TTC3: variants seen among roughly 807,000 people sequenced by gnomAD.
TTC3 encodes the protein E3 ubiquitin-protein ligase TTC3.
Under a neutral mutation model 249.6 loss-of-function variants are expected in TTC3, and 180 were observed. The observed-to-expected ratio is 0.72, with a 90% CI of 0.64 to 0.82. The LOEUF is 0.82. Among genes scored for constraint, TTC3 ranks in the 40% least tolerant of loss-of-function variants. The probability of loss-of-function intolerance (pLI) is 0.00; values close to 1 mark genes in which losing one functional copy is unlikely to be tolerated. For synonymous variants in TTC3, 717 were observed against 805.0 expected, an observed-to-expected ratio of 0.89 and a Z score of 1.85; for missense variants, 2,061 against 2,398.4, an observed-to-expected ratio of 0.86 and a Z score of 2.94.
At chr21:37,131,650 G>C (rs2077477530) in intron 16 of TTC3, among the ~76,000 whole-genome samples, 1 of 152,146 alleles carries the variant, frequency 6.6e-6, no homozygotes, top group Non-Finnish European at 1.5e-5. Flanking sequence ...TGGGTGACCT[G>C]TGCACCCCAC....
intron 26 of TTC3, 146 bp downstream of exon 26, chr21:37,152,175 A>G: frequency 9.8e-7 from 1 of 1,020,592 alleles, no homozygotes; most frequent in East Asian, 2.8e-5. Flanking sequence ...GTCTTCTGTT[A>G]CTCGAAGACA....
rs187332111 is a variant in TTC3, at chr21:37,168,305, T to C, written c.4467+685T>C. 4.1e-3 allele frequency among the ~76,000 whole-genome samples: 626 copies of C among 152,174 alleles called. 3 individuals are homozygous for C. Among genetic ancestry groups the C allele is most frequent in the Middle Eastern group, 0.01 (3 of 294 alleles). On this transcript the variant is annotated intron_variant, in intron 34 of 45. Transcript: ENST00000355666. ...GGTATATTAACTGAGAAAGCAGATA[T>C]GAGAAAGAAAGAAGATAGAAAAGAG...
At chr21:37,100,596 G>T (rs1568913725) in intron 10 of TTC3, among the ~76,000 whole-genome samples, 1 of 152,140 alleles carries the variant, frequency 6.6e-6, no homozygotes, top group African/African-American at 2.4e-5. Flanking sequence ...GTGAATATAA[G>T]TTAGGCCAAG....
At chr21:37,178,360 G>T (rs2082449377) in intron 35 of TTC3, among the ~76,000 whole-genome samples, 1 of 152,052 alleles carries the variant, frequency 6.6e-6, no homozygotes, top group South Asian at 2.1e-4. Context: ...TGATCATATG[G>T]CAATTCCACA....
chr21:37,134,525 G>A (rs1421022390), intron 17 of TTC3, among the ~76,000 whole-genome samples: 1 of 152,046 alleles, frequency 6.6e-6, no homozygotes, highest in Non-Finnish European at 1.5e-5. Flanking sequence ...GTGCAGTGGG[G>A]CCTCCTTTTG....
At chr21:37,099,307 G>A (rs769041505) in intron 10 of TTC3, among the ~76,000 whole-genome samples, 29 of 152,140 alleles carry the variant, frequency 1.9e-4, no homozygotes, top group Non-Finnish European at 3.1e-4. Flanking sequence ...GTATTAACTC[G>A]TAAAACCATC....
chr21:37,087,164 A>C, intron 1 of TTC3, 83 bp from the exon 2 acceptor site: 1 of 1,471,890 alleles, frequency 6.8e-7, no homozygotes. Flanking sequence ...GTATTTTTCT[A>C]ATATACCATA....
chr21:37,131,412 T>C (rs943185821), intron 16 of TTC3, among the ~76,000 whole-genome samples: 2 of 152,200 alleles, frequency 1.3e-5, no homozygotes, highest in African/African-American at 4.8e-5. Context: ...GGGGAGCTTC[T>C]GGGCTGACGA....
At chr21:37,199,051 G>T (rs745985956) in intron 44 of TTC3, among the ~76,000 whole-genome samples, 1 of 152,080 alleles carries the variant, frequency 6.6e-6, no homozygotes. Context: ...CCTGACCCTC[G>T]AGTCATGGGC....
At chr21:37,085,349 A>G (rs1334102233) in intron 1 of TTC3, among the ~76,000 whole-genome samples, 1 of 152,230 alleles carries the variant, frequency 6.6e-6, no homozygotes, top group Non-Finnish European at 1.5e-5. Flanking sequence ...TTCATGCAGA[A>G]TAGGTCAGGT....
At chr21:37,163,763 TAA>T (rs1569109938) in intron 31 of TTC3, among the ~76,000 whole-genome samples, 1 of 152,222 alleles carries the variant, frequency 6.6e-6, no homozygotes, top group African/African-American at 2.4e-5. Context: ...AAGTTATAAT[TAA>T]TGCAACTTTT....
chr21:37,073,925 TC>T (rs1476437678), intron 1 of TTC3, among the ~76,000 whole-genome samples: 1 of 152,240 alleles, frequency 6.6e-6, no homozygotes, highest in Non-Finnish European at 1.5e-5. Context: ...CAAGTGTGCG[TC>T]CTTGCGTGTC....
intron 9 of TTC3, 56 bp from the exon 10 acceptor site, chr21:37,096,525 T>C (rs1275244768): frequency 7.3e-7 from 1 of 1,372,846 alleles, no homozygotes; most frequent in East Asian, 2.3e-5. Flanking sequence ...TCTACGTGAT[T>C]TTTATTTGTT....
chr21:37,131,934 CTTA>C (rs911488812), intron 16 of TTC3, among the ~76,000 whole-genome samples: 37 of 152,248 alleles, frequency 2.4e-4, no homozygotes, highest in African/African-American at 8.2e-4. Context: ...ATGCTTGTAT[CTTA>C]TTATTAGATT....
chr21:37,197,260 A>T (rs542413482), intron 42 of TTC3, among the ~76,000 whole-genome samples: 10 of 152,220 alleles, frequency 6.6e-5, no homozygotes, highest in African/African-American at 2.2e-4. Context: ...CCTGACCAAC[A>T]TGGTGAAACC....
intron 1 of TTC3, among the ~76,000 whole-genome samples, chr21:37,079,681 G>A (rs575018400): frequency 7.1e-4 from 107 of 151,726 alleles, no homozygotes; most frequent in African/African-American, 2.5e-3. Context: ...ACAGCCGTGC[G>A]CCACCATGCT....
chr21:37,101,985 A>G lies in TTC3; in HGVS notation c.845+5342A>G, dbSNP rs911126031. 4.7e-5 allele frequency among the ~76,000 whole-genome samples: 7 copies of G among 149,986 alleles called. No individual in the cohort carries two copies. In the South Asian group the frequency reaches 1.0e-3, roughly 22 times the overall value. On this transcript the variant is annotated intron_variant, in intron 10 of 45. Transcript: ENST00000355666. ...ATTTACAATGTTAAATTATAGATATATTAGTATGTAGATTTCCATTTTAAA... is the reference window on the plus strand; with the variant it reads ...ATTTACAATGTTAAATTATAGATATGTTAGTATGTAGATTTCCATTTTAAA...
intron 1 of TTC3, among the ~76,000 whole-genome samples, chr21:37,079,385 C>A (rs979254879): frequency 6.6e-6 from 1 of 151,912 alleles, no homozygotes; most frequent in Non-Finnish European, 1.5e-5. Flanking sequence ...TCATTTGGAT[C>A]TAATGTTTTC....
At chr21:37,088,571 G>A (rs2072828931) in intron 4 of TTC3, among the ~76,000 whole-genome samples, 1 of 152,212 alleles carries the variant, frequency 6.6e-6, no homozygotes, top group African/African-American at 2.4e-5. Flanking sequence ...TGGAAGCTGA[G>A]TCAGGAGGAA....
Sources: gnomAD v4.1 joint callset for allele counts (sites outside exome capture counted in the v4.1 genomes callset) on GRCh38, gnomAD v4.1.1 for gene constraint, MANE v1.5 for transcripts, NCBI Gene and HGNC (gene_info 2026-07-23, HGNC 2026-07-21) for gene names.